PTPRN2: variants seen among roughly 807,000 people sequenced by gnomAD.
PTPRN2 encodes receptor-type tyrosine-protein phosphatase N2.
Under a neutral mutation model 118.8 loss-of-function variants are expected in PTPRN2, and 74 were observed. The ratio of observed to expected loss-of-function variants is 0.62; its 90% CI spans 0.52 to 0.76. The LOEUF (loss-of-function observed/expected upper bound fraction) is 0.76. PTPRN2 is among the 30% of genes least tolerant of loss of function. The pLI, the probability that PTPRN2 is intolerant of heterozygous loss-of-function variation, is 0.00. For missense variants in PTPRN2, 1,481 were observed against 1,394.4 expected, an observed-to-expected ratio of 1.06 and a Z score of -0.99; for synonymous variants, 641 against 608.0, an observed-to-expected ratio of 1.05 and a Z score of -0.80.
At chr7:158,356,717 G>A (rs1808410591) in intron 2 of PTPRN2, among the ~76,000 whole-genome samples, 1 of 151,772 alleles carries the variant, frequency 6.6e-6, no homozygotes, top group Non-Finnish European at 1.5e-5. Context: ...GCTGCAAGGA[G>A]CCCACATTTT....
chr7:158,342,743 G>A (rs892672023), intron 2 of PTPRN2, among the ~76,000 whole-genome samples: 2 of 152,106 alleles, frequency 1.3e-5, no homozygotes, highest in Non-Finnish European at 2.9e-5. Context: ...CCTTGCTGGA[G>A]CCCATAGAGG....
chr7:158,553,659 T>A (rs1347703127), intron 1 of PTPRN2, among the ~76,000 whole-genome samples: 1 of 146,400 alleles, frequency 6.8e-6, no homozygotes, highest in East Asian at 2.1e-4. Flanking sequence ...GGAGTCTATA[T>A]CACCCTTCCT....
At chr7:157,992,869 T>C (rs1202200467) in intron 11 of PTPRN2, among the ~76,000 whole-genome samples, 1 of 152,232 alleles carries the variant, frequency 6.6e-6, no homozygotes, top group African/African-American at 2.4e-5. Flanking sequence ...GCATAGACAG[T>C]ATCTTCAGTT....
chr7:158,274,572 G>A (rs1035284008), intron 3 of PTPRN2, among the ~76,000 whole-genome samples: 17 of 152,178 alleles, frequency 1.1e-4, no homozygotes, highest in African/African-American at 1.4e-4. Flanking sequence ...GGGATCTAGC[G>A]TGTGTGGACG....
chr7:158,197,856 T>A (rs1356424619), intron 4 of PTPRN2, among the ~76,000 whole-genome samples: 1 of 152,070 alleles, frequency 6.6e-6, no homozygotes, highest in African/African-American at 2.4e-5. Context: ...TCCCACTGGG[T>A]CCCTCCCATG....
At chr7:158,519,138 C>G (rs190833006) in intron 1 of PTPRN2, among the ~76,000 whole-genome samples, 1 of 152,300 alleles carries the variant, frequency 6.6e-6, no homozygotes, top group Admixed American at 6.5e-5. Flanking sequence ...CCACACAGTA[C>G]ACAGGCGTCG....
At chr7:158,291,857 G>A (rs1300396708) in intron 3 of PTPRN2, among the ~76,000 whole-genome samples, 5 of 152,206 alleles carry the variant, frequency 3.3e-5, no homozygotes, top group Admixed American at 3.3e-4. Flanking sequence ...CAAGAAGAGA[G>A]AGATGAAAGA....
intron 11 of PTPRN2, among the ~76,000 whole-genome samples, chr7:158,071,474 G>T (rs1279103355): frequency 7.1e-6 from 1 of 140,350 alleles, no homozygotes; most frequent in African/African-American, 2.8e-5. Flanking sequence ...TCGTGGTGGT[G>T]GAGGTTCTCA....
chr7:157,554,711 C>T lies in PTPRN2; in HGVS notation c.2903-5692G>A, dbSNP rs1021504670. Among the ~76,000 whole-genome samples the T allele has an allele frequency of 2.6e-5, 4 of 152,186 alleles. No homozygotes were observed. The South Asian group carries it at 6.2e-4, about 24-fold the overall frequency. On this transcript the variant is annotated intron_variant, in intron 21 of 22. Transcript: ENST00000389418. ...AGCCTGCAAACAGTCGAGGAGTCAG[C>T]GCACACACAAAGAAAATCCAGATGG...
At chr7:157,843,989 G>T (rs889895987) in intron 12 of PTPRN2, among the ~76,000 whole-genome samples, 1 of 152,224 alleles carries the variant, frequency 6.6e-6, no homozygotes, top group African/African-American at 2.4e-5. Flanking sequence ...GAGAGGAAAG[G>T]TGCAGAGAAA....
At chr7:157,698,082 G>T (rs1299801787) in intron 12 of PTPRN2, among the ~76,000 whole-genome samples, 1 of 152,240 alleles carries the variant, frequency 6.6e-6, no homozygotes, top group East Asian at 1.9e-4. Context: ...GAACTGGGAA[G>T]ATTTTTAAGA....
intron 3 of PTPRN2, among the ~76,000 whole-genome samples, chr7:158,310,812 C>T (rs544356777): frequency 3.4e-5 from 5 of 147,034 alleles, no homozygotes; most frequent in East Asian, 2.0e-4. Flanking sequence ...GCAAGTCCCA[C>T]GGAGGGCGAG....
At chr7:158,413,480 G>A (rs566176060) in intron 2 of PTPRN2, among the ~76,000 whole-genome samples, 6 of 152,338 alleles carry the variant, frequency 3.9e-5, no homozygotes, top group African/African-American at 1.4e-4. Context: ...TCTCAACTAG[G>A]AAACTGGCCA....
At chr7:157,969,169 G>A (rs1298332842) in intron 11 of PTPRN2, among the ~76,000 whole-genome samples, 1 of 151,808 alleles carries the variant, frequency 6.6e-6, no homozygotes, top group African/African-American at 2.4e-5. Flanking sequence ...GAGTGCAATG[G>A]TACAACCATA....
intron 12 of PTPRN2, among the ~76,000 whole-genome samples, chr7:157,685,021 A>C (rs1797107829): frequency 6.6e-6 from 1 of 151,482 alleles, no homozygotes; most frequent in African/African-American, 2.4e-5. Context: ...CGTCCCCCGG[A>C]GCCATACCTG....
At chr7:158,272,045 A>G (rs2150968558) in intron 3 of PTPRN2, among the ~76,000 whole-genome samples, 1 of 152,328 alleles carries the variant, frequency 6.6e-6, no homozygotes. Context: ...CCATCAAAAG[A>G]CGGTCAGGTT....
At chr7:158,164,871 C>A (rs2150583040) in intron 6 of PTPRN2, among the ~76,000 whole-genome samples, 1 of 152,294 alleles carries the variant, frequency 6.6e-6, no homozygotes, top group African/African-American at 2.4e-5. Context: ...AGCTGAAGGT[C>A]ACCTCAGCCA....
At chr7:158,171,030 TATATATACACATACATATATATACAC>T (rs1480181631) in intron 5 of PTPRN2, among the ~76,000 whole-genome samples, 1 of 144,598 alleles carries the variant, frequency 6.9e-6, no homozygotes, top group East Asian at 2.0e-4. Flanking sequence ...TATATACACA[TATATATACACATACATATATATACAC>T]ATATATACAC....
chr7:158,543,463 CTT>C (rs1483465667), intron 1 of PTPRN2, among the ~76,000 whole-genome samples: 3 of 152,184 alleles, frequency 2.0e-5, no homozygotes, highest in Non-Finnish European at 4.4e-5. Context: ...CAGTTTTGCA[CTT>C]TGTTTTCCTT....
Sources: allele counts gnomAD v4.1 joint callset (sites outside exome capture counted in the v4.1 genomes callset), GRCh38; gene constraint gnomAD v4.1.1; transcripts MANE v1.5; gene names NCBI Gene and HGNC (gene_info 2026-07-23, HGNC 2026-07-21).